The following RFFL variants were observed in gnomAD, a reference collection of about 807,000 sequenced individuals.
RFFL encodes ring finger and FYVE like domain containing E3 ubiquitin protein ligase, also known as E3 ubiquitin-protein ligase rififylin.
RFFL carries 16 observed loss-of-function variants against 40.4 expected under a neutral mutation model. The observed-to-expected ratio is 0.40, with a 90% confidence interval of 0.27 to 0.60. The LOEUF is 0.60. Among genes scored for constraint, RFFL ranks in the 20% least tolerant of loss-of-function variants. The probability of loss-of-function intolerance (pLI) is 0.47; values close to 1 mark genes in which losing one functional copy is unlikely to be tolerated. For synonymous variants in RFFL, 154 were observed against 167.9 expected (o/e 0.92, Z 0.64); for missense variants, 367 against 451.7 (o/e 0.81, Z 1.70).
chr17:35,021,204 A>T (rs1162139317), intron 3 of RFFL, among the ~76,000 whole-genome samples, 167 bp downstream of exon 3: 1 of 152,234 alleles, frequency 6.6e-6, no homozygotes, highest in Non-Finnish European at 1.5e-5. Context: ...AAGCCAAAAC[A>T]TGAGTCTGAT....
rs1386783006 is a variant in RFFL, at chr17:35,008,193, A to G, written c.*3775T>C. The G allele has an allele frequency of 6.6e-6, 1 of 152,230 alleles. No individual in the cohort carries two copies. Among genetic ancestry groups the G allele is most frequent in the African/African-American group, 2.4e-5 (1 of 41,454 alleles). The allele number at this position is 152,230 out of a possible 1,614,324, so 9.4% of individuals were successfully genotyped here. A position where few individuals can be genotyped will look rare whatever the true frequency, so the allele number is the denominator to read the frequency against. On this transcript the variant is annotated 3_prime_UTR_variant, in exon 7 of 7. Coordinates refer to ENST00000394597, the MANE Select transcript of RFFL (RefSeq NM_001017368.2). ...AGGCCCATCTCTTCTAGATCAGTGT[A>G]AATATCTGAACTCACTTGGTGCTTC...
upstream of RFFL, among the ~76,000 whole-genome samples, chr17:35,068,536 G>T (rs1365634573): frequency 6.6e-6 from 1 of 152,168 alleles, no homozygotes; most frequent in East Asian, 1.9e-4. Flanking sequence ...GTTGTGTGAG[G>T]GCATGCTAAC....
chr17:35,061,751 G>A (rs899228970), intron 1 of RFFL, among the ~76,000 whole-genome samples: 9 of 149,916 alleles, frequency 6.0e-5, no homozygotes, highest in African/African-American at 7.4e-5. Flanking sequence ...TGTGATCCTC[G>A]CTCACTGCAA....
At chr17:35,043,438 G>C (rs897028011) in intron 1 of RFFL, among the ~76,000 whole-genome samples, 1 of 152,166 alleles carries the variant, frequency 6.6e-6, no homozygotes, top group Non-Finnish European at 1.5e-5. Context: ...ATTATAATAA[G>C]GCATGGGCTC....
intron 3 of RFFL, 130 bp downstream of exon 3, chr17:35,021,241 A>T: frequency 1.1e-6 from 1 of 903,954 alleles, no homozygotes; most frequent in African/African-American, 1.7e-5. Context: ...GTGCACCAGT[A>T]GTCAGAAAGG....
chr17:35,011,451 G>A lies in RFFL; in HGVS notation c.*517C>T, dbSNP rs1453317065. 6.5e-6 allele frequency: 1 copy of A among 154,056 alleles called. No homozygotes were observed. The highest frequency in any genetic ancestry group is 2.4e-5 in the African/African-American group (1 of 41,448). 9.5% of individuals were successfully genotyped at this position (154,056 alleles called of 1,614,324 possible). On this transcript the variant is annotated 3_prime_UTR_variant, in exon 7 of 7. Coordinates refer to ENST00000394597, the MANE Select transcript of RFFL (RefSeq NM_001017368.2). ...ATCGGTCTGGTAAACTAACATTTTT[G>A]GTCCAAAGAAACAAATGGATTTAGG...
intron 3 of RFFL, among the ~76,000 whole-genome samples, chr17:35,017,909 G>A (rs966809543): frequency 1.3e-5 from 2 of 152,160 alleles, no homozygotes; most frequent in African/African-American, 4.8e-5. Flanking sequence ...GAGCACCACA[G>A]GTGAAGGGAA....
chr17:35,058,486 T>C (rs1234516151), intron 1 of RFFL, among the ~76,000 whole-genome samples: 2 of 152,058 alleles, frequency 1.3e-5, no homozygotes, highest in Non-Finnish European at 2.9e-5. Flanking sequence ...CTAAAATTGG[T>C]GGTAGGCCAG....
At chr17:35,060,418 C>A (rs1295985066) in intron 1 of RFFL, among the ~76,000 whole-genome samples, 1 of 152,168 alleles carries the variant, frequency 6.6e-6, no homozygotes, top group Non-Finnish European at 1.5e-5. Flanking sequence ...AAGAGACAAA[C>A]CAGCTGCTTA....
intron 1 of RFFL, among the ~76,000 whole-genome samples, chr17:35,070,457 G>A (rs1181804945): frequency 6.6e-6 from 1 of 152,080 alleles, no homozygotes; most frequent in African/African-American, 2.4e-5. Context: ...GGTGTGAGCA[G>A]TTTAAGTTAA....
At chr17:35,025,754 G>A (rs755194532) in intron 2 of RFFL, among the ~76,000 whole-genome samples, 4 of 152,172 alleles carry the variant, frequency 2.6e-5, no homozygotes, top group African/African-American at 4.8e-5. Context: ...CTGGAAGAGG[G>A]AGGGTGCACA....
At chr17:35,063,448 T>C (rs2091304805) in intron 1 of RFFL, 128 bp downstream of exon 1, 1 of 61,624 alleles carries the variant, frequency 1.6e-5, no homozygotes, top group South Asian at 6.1e-4. Context: ...AGAGTGAAAC[T>C]CCGTCTCAAA....
At chr17:35,070,994 C>T (rs557559579) in intron 1 of RFFL, among the ~76,000 whole-genome samples, 4 of 152,022 alleles carry the variant, frequency 2.6e-5, no homozygotes, top group African/African-American at 9.6e-5. Flanking sequence ...GCCAGGAGTT[C>T]GAGACCAGCC....
intron 2 of RFFL, among the ~76,000 whole-genome samples, chr17:35,023,919 C>A (rs1264110837): frequency 6.6e-6 from 1 of 152,142 alleles, no homozygotes; most frequent in Non-Finnish European, 1.5e-5. Context: ...GCTAAAACCC[C>A]AGTTTGCAGT....
In RFFL at chr17:35,009,838, A is replaced by G. The variant is rs1270068304; in HGVS notation, c.*2130T>C. ...GCTTCTGCCCTTAAGTTACTGCTAG[A>G]TCTTAGCTGAATTGCACATACATAG... On this transcript the variant is annotated 3_prime_UTR_variant, in exon 7 of 7. Coordinates refer to ENST00000394597, the MANE Select transcript of RFFL (RefSeq NM_001017368.2). 1 of 152,672 alleles carries G rather than the reference A, an allele frequency of 6.5e-6. No individual in the cohort carries two copies. The highest frequency in any genetic ancestry group is 1.9e-4 in the East Asian group (1 of 5,198). 9.5% of individuals were successfully genotyped at this position (152,672 alleles called of 1,614,324 possible). A position where few individuals can be genotyped will look rare whatever the true frequency, so the allele number is the denominator to read the frequency against.
chr17:35,075,946 T>A (rs1180691604), intron 1 of RFFL, among the ~76,000 whole-genome samples: 2 of 148,312 alleles, frequency 1.3e-5, no homozygotes, highest in African/African-American at 4.9e-5. Flanking sequence ...GGAATATGCC[T>A]CCCAATACAA....
Position 35,027,719 on chromosome 17 carries a change from C to T in RFFL, c.-8-1158G>A, listed in dbSNP as rs148476379. The stretch of plus-strand genomic sequence containing the variant: ...AGCCTGGACAACAAGAGTGAAACTC[C>T]GTCTCAAAAAAAAAAAAAAAAAAAA... On this transcript the variant is annotated intron_variant, in intron 1 of 6. Transcript: ENST00000394597. 7.0e-3 allele frequency among the ~76,000 whole-genome samples: 834 copies of T among 118,386 alleles called. 20 individuals are homozygous for T. In the East Asian group the frequency reaches 0.096, roughly 14 times the overall value. The allele number at this position is 118,386 out of a possible 152,430, so 77.7% of individuals were successfully genotyped here.
intron 1 of RFFL, among the ~76,000 whole-genome samples, chr17:35,070,099 C>T (rs2091340168): frequency 6.6e-6 from 1 of 151,808 alleles, no homozygotes; most frequent in Non-Finnish European, 1.5e-5. Flanking sequence ...CACACATATA[C>T]TAAAACCATT....
intron 3 of RFFL, 126 bp from the exon 4 acceptor site, chr17:35,017,732 T>TAA: frequency 1.5e-6 from 1 of 663,574 alleles, no homozygotes; most frequent in South Asian, 1.6e-5. Context: ...CGGAGCCTCT[T>TAA]ACAGCATCAT....
Sources: allele counts gnomAD v4.1 joint callset (sites outside exome capture counted in the v4.1 genomes callset), GRCh38; gene constraint gnomAD v4.1.1; transcripts MANE v1.5; gene names NCBI Gene and HGNC (gene_info 2026-07-23, HGNC 2026-07-21).